TCF12: variants seen among roughly 807,000 people sequenced by gnomAD.
The protein encoded by TCF12 is DNA-binding protein HTF4.
In TCF12, 45 loss-of-function variants were observed where a neutral mutation model predicts 86.0. The observed-to-expected ratio is 0.52, with a 90% confidence interval of 0.41 to 0.67. TCF12 has a LOEUF of 0.67. Ranked by LOEUF, TCF12 falls within the 30% of genes least tolerant of loss-of-function variation. The probability of loss-of-function intolerance (pLI) is 0.00; values close to 1 mark genes in which losing one functional copy is unlikely to be tolerated. For missense variants in TCF12, 881 were observed against 859.9 expected (o/e 1.02, Z -0.31); for synonymous variants, 330 against 299.6 (o/e 1.10, Z -1.05).
chr15:57,219,812 G>A (rs2058502503), intron 8 of TCF12, among the ~76,000 whole-genome samples: 1 of 145,718 alleles, frequency 6.9e-6, no homozygotes, highest in Non-Finnish European at 1.5e-5. Flanking sequence ...TGCAACCTTC[G>A]CCTCCCGGGT....
chr15:57,223,643 G>GGTTTTTTTTTTTTTTTTTT (rs2058707540), intron 8 of TCF12, among the ~76,000 whole-genome samples: 1 of 69,666 alleles, frequency 1.4e-5, no homozygotes, highest in South Asian at 6.7e-4. Flanking sequence ...TACCAATGAG[G>GGTTTTTTTTTTTTTTTTTT]TTTTTTTTTT....
chr15:57,210,463 A>G (rs1221235009), intron 8 of TCF12, among the ~76,000 whole-genome samples: 2 of 152,058 alleles, frequency 1.3e-5, no homozygotes, highest in African/African-American at 2.4e-5. Context: ...TCAGAAAACT[A>G]AAAGTCTTTT....
intron 3 of TCF12, among the ~76,000 whole-genome samples, chr15:57,063,524 C>G (rs1023037003): frequency 2.0e-5 from 3 of 152,122 alleles, no homozygotes; most frequent in African/African-American, 7.2e-5. Context: ...TATTTTGATT[C>G]TGAATTACTA....
chr15:57,220,258 T>C (rs563238136), intron 8 of TCF12, among the ~76,000 whole-genome samples: 2 of 152,324 alleles, frequency 1.3e-5, no homozygotes, highest in South Asian at 2.1e-4. Flanking sequence ...TACACACATA[T>C]GTATTGAGAA....
chr15:57,194,249 T>G (rs1597216458), intron 7 of TCF12, among the ~76,000 whole-genome samples: 1 of 126,518 alleles, frequency 7.9e-6, no homozygotes, highest in Non-Finnish European at 2.0e-5. Flanking sequence ...CACTATTGAT[T>G]GTCTCTTCCA....
intron 15 of TCF12, 87 bp from the exon 16 acceptor site, chr15:57,253,175 C>A: frequency 7.0e-7 from 1 of 1,434,624 alleles, no homozygotes; most frequent in Non-Finnish European, 9.7e-7. Flanking sequence ...TGCTATCTTC[C>A]ACATATCACA....
At chr15:57,057,270 A>T (rs1481948031) in intron 3 of TCF12, among the ~76,000 whole-genome samples, 1 of 152,112 alleles carries the variant, frequency 6.6e-6, no homozygotes, top group Non-Finnish European at 1.5e-5. Flanking sequence ...TTGGGATTCT[A>T]TCCTCACTTT....
chr15:57,069,418 G>A (rs1467714078), intron 4 of TCF12, among the ~76,000 whole-genome samples: 1 of 152,186 alleles, frequency 6.6e-6, no homozygotes, highest in African/African-American at 2.4e-5. Context: ...ATTGCTAAAT[G>A]TCCACCATGG....
chr15:57,173,845 C>T (rs1421090860), intron 6 of TCF12, among the ~76,000 whole-genome samples: 5 of 151,648 alleles, frequency 3.3e-5, no homozygotes, highest in Admixed American at 3.3e-4. Context: ...GTAGCTGGGA[C>T]TACAGGTGCC....
chr15:57,238,755 T>A (rs1482802080), intron 12 of TCF12, among the ~76,000 whole-genome samples: 2 of 152,206 alleles, frequency 1.3e-5, no homozygotes, highest in Non-Finnish European at 2.9e-5. Context: ...CAATAATGGA[T>A]TCAATGTTGA....
At chr15:57,181,846 C>T (rs1165704601) in intron 6 of TCF12, among the ~76,000 whole-genome samples, 2 of 151,996 alleles carry the variant, frequency 1.3e-5, no homozygotes, top group African/African-American at 2.4e-5. Flanking sequence ...ATCTAGGCTG[C>T]GTTAGTGTTT....
intron 6 of TCF12, among the ~76,000 whole-genome samples, chr15:57,185,288 T>G (rs1233697218): frequency 1.3e-5 from 2 of 152,208 alleles, no homozygotes; most frequent in Non-Finnish European, 2.9e-5. Flanking sequence ...TGCTTCATGC[T>G]CCAACATTGT....
intron 8 of TCF12, among the ~76,000 whole-genome samples, chr15:57,216,317 C>G (rs1476642215): frequency 1.3e-5 from 2 of 152,046 alleles, no homozygotes; most frequent in Non-Finnish European, 2.9e-5. Flanking sequence ...TGCTGTAAAA[C>G]TTGGTGATTT....
chr15:56,964,749 T>G (rs1001898077), intron 3 of TCF12, among the ~76,000 whole-genome samples: 2 of 152,336 alleles, frequency 1.3e-5, no homozygotes, highest in East Asian at 1.9e-4. Flanking sequence ...TGTACTCTTG[T>G]GCCTTATAAT....
At chr15:57,138,041 A>T (rs1279582976) in intron 5 of TCF12, among the ~76,000 whole-genome samples, 12 of 125,520 alleles carry the variant, frequency 9.6e-5, no homozygotes, top group African/African-American at 2.7e-4. Context: ...AAGAAAAAAA[A>T]AAAAATAAAG....
At chr15:57,122,233 AT>A (rs1331906978) in intron 5 of TCF12, among the ~76,000 whole-genome samples, 41 of 151,920 alleles carry the variant, frequency 2.7e-4, no homozygotes, top group African/African-American at 9.7e-4. Context: ...GGAAATAAAA[AT>A]TTGCCTTGTG....
intron 3 of TCF12, among the ~76,000 whole-genome samples, chr15:57,038,914 A>G (rs1373730231): frequency 2.0e-5 from 3 of 152,174 alleles, no homozygotes; most frequent in African/African-American, 7.2e-5. Context: ...TAGTTAGCTG[A>G]GGGGACACGG....
intron 3 of TCF12, among the ~76,000 whole-genome samples, chr15:56,985,364 A>G (rs2063131781): frequency 6.6e-6 from 1 of 152,206 alleles, no homozygotes; most frequent in Non-Finnish European, 1.5e-5. Flanking sequence ...TCAGAAGCCA[A>G]ACTAATTTTG....
chr15:57,135,990 T>C (rs1246751295), intron 5 of TCF12, among the ~76,000 whole-genome samples: 1 of 152,188 alleles, frequency 6.6e-6, no homozygotes, highest in Non-Finnish European at 1.5e-5. Context: ...TTGGTTATTT[T>C]CACTTTCTTT....
Sources: gnomAD v4.1 joint callset for allele counts (sites outside exome capture counted in the v4.1 genomes callset) on GRCh38, gnomAD v4.1.1 for gene constraint, MANE v1.5 for transcripts, NCBI Gene and HGNC (gene_info 2026-07-23, HGNC 2026-07-21) for gene names.